Variants in CDK14 observed in about 807,000 individuals in gnomAD.
CDK14 encodes cyclin dependent kinase 14.
Under a neutral mutation model 60.7 loss-of-function variants are expected in CDK14, and 34 were observed. That is an observed-to-expected ratio of 0.56 (90% CI 0.43 to 0.75). CDK14 has a LOEUF of 0.75. Ranked by LOEUF, CDK14 falls within the 30% of genes least tolerant of loss-of-function variation. CDK14 has a pLI of 0.00. For missense variants in CDK14, 482 were observed against 564.1 expected, an observed-to-expected ratio of 0.85 and a Z score of 1.47; for synonymous variants, 197 against 203.7, an observed-to-expected ratio of 0.97 and a Z score of 0.28.
intron 11 of CDK14, among the ~76,000 whole-genome samples, chr7:91,053,274 G>A: frequency 6.6e-6 from 1 of 152,140 alleles, no homozygotes; most frequent in East Asian, 1.9e-4. Context: ...AAGAAACTGG[G>A]AAATTGAGGC....
chr7:90,714,572 T>TA (rs1330086952), intron 2 of CDK14, among the ~76,000 whole-genome samples: 1 of 152,112 alleles, frequency 6.6e-6, no homozygotes, highest in Non-Finnish European at 1.5e-5. Context: ...CATTGAAAGA[T>TA]ACTTCCATTT....
chr7:90,779,554 A>G (rs960455907), intron 4 of CDK14, among the ~76,000 whole-genome samples: 1 of 152,110 alleles, frequency 6.6e-6, no homozygotes. Context: ...CCCTTATCAC[A>G]TTTATACCAA....
At chr7:90,648,600 A>G (rs143814065) in intron 2 of CDK14, among the ~76,000 whole-genome samples, 85 of 151,882 alleles carry the variant, frequency 5.6e-4, no homozygotes, top group Middle Eastern at 3.4e-3. Flanking sequence ...AACAAAACAT[A>G]CTCACTTCTC....
At chr7:90,970,926 C>T (rs1794904346) in intron 9 of CDK14, among the ~76,000 whole-genome samples, 1 of 151,622 alleles carries the variant, frequency 6.6e-6, no homozygotes, top group South Asian at 2.1e-4. Context: ...TCATTTATTC[C>T]CTCATTTTTT....
At chr7:90,706,235 T>C (rs1801892001) in intron 2 of CDK14, among the ~76,000 whole-genome samples, 2 of 152,204 alleles carry the variant, frequency 1.3e-5, no homozygotes, top group African/African-American at 4.8e-5. Context: ...CTGTATGACA[T>C]AATGATTAAT....
intron 10 of CDK14, among the ~76,000 whole-genome samples, chr7:90,999,976 A>G (rs1359135539): frequency 1.3e-5 from 2 of 152,218 alleles, no homozygotes; most frequent in African/African-American, 2.4e-5. Context: ...TGACTGGGCC[A>G]TATGAAATAG....
At chr7:90,693,721 C>T (rs1034551185) in intron 2 of CDK14, among the ~76,000 whole-genome samples, 2 of 152,052 alleles carry the variant, frequency 1.3e-5, no homozygotes, top group South Asian at 4.1e-4. Flanking sequence ...GGGCCTTCTG[C>T]CTTTGTTGGA....
chr7:91,098,533 A>G (rs1397462559), intron 12 of CDK14, among the ~76,000 whole-genome samples: 1 of 149,556 alleles, frequency 6.7e-6, no homozygotes, highest in Non-Finnish European at 1.5e-5. Context: ...AAGAGAAAAA[A>G]AAAAAGAAAT....
intron 4 of CDK14, among the ~76,000 whole-genome samples, chr7:90,751,022 T>C (rs1257246864): frequency 6.6e-6 from 1 of 152,068 alleles, no homozygotes; most frequent in Admixed American, 6.6e-5. Context: ...CTTTGAGAAA[T>C]ATGGGATAAT....
In CDK14 at chr7:90,865,074, T is replaced by G. The variant is rs1791134213; in HGVS notation, c.639+1805T>G. ...TACCTGTGTTGCCTTACTTTTACAC[T>G]GCTTCTTTGCCTTTTTCCTTTCTAC... is the stretch of plus-strand genomic sequence containing the variant. On this transcript the variant is annotated intron_variant, in intron 6 of 14. Coordinates refer to ENST00000380050, the MANE Select transcript of CDK14 (RefSeq NM_001287135.2). 2.6e-5 allele frequency among the ~76,000 whole-genome samples: 4 copies of G among 152,328 alleles called. No homozygotes were observed. The South Asian group carries it at 8.3e-4, about 32-fold the overall frequency.
chr7:90,891,941 G>A (rs1792137844), intron 6 of CDK14, among the ~76,000 whole-genome samples: 1 of 152,178 alleles, frequency 6.6e-6, no homozygotes, highest in Admixed American at 6.5e-5. Flanking sequence ...ATGAATAGGA[G>A]GTCTGATCAT....
At chr7:91,064,977 G>A (rs2116146227) in intron 11 of CDK14, among the ~76,000 whole-genome samples, 1 of 150,560 alleles carries the variant, frequency 6.6e-6, no homozygotes, top group Admixed American at 6.6e-5. Context: ...AGGTGTAGAT[G>A]GTTTGGCGAC....
chr7:90,598,313 A>T (rs1346144727), intron 1 of CDK14, among the ~76,000 whole-genome samples: 4 of 152,214 alleles, frequency 2.6e-5, no homozygotes, highest in African/African-American at 9.7e-5. Flanking sequence ...TAAAATTTGG[A>T]TTAAGTACAG....
intron 10 of CDK14, among the ~76,000 whole-genome samples, chr7:91,015,032 T>G (rs1796260192): frequency 6.6e-6 from 1 of 152,064 alleles, no homozygotes; most frequent in Non-Finnish European, 1.5e-5. Context: ...CTTATAGGAG[T>G]CTATCTATCT....
intron 11 of CDK14, among the ~76,000 whole-genome samples, chr7:91,046,525 T>C (rs928150016): frequency 6.6e-5 from 10 of 152,196 alleles, no homozygotes; most frequent in African/African-American, 2.4e-4. Flanking sequence ...GTCCTTTTTT[T>C]TCACCAGTAG....
chr7:91,093,490 G>C (rs1424139494), intron 12 of CDK14, among the ~76,000 whole-genome samples: 3 of 152,154 alleles, frequency 2.0e-5, no homozygotes, highest in African/African-American at 7.2e-5. Flanking sequence ...GCAAAACACA[G>C]TTACAAAATC....
intron 4 of CDK14, among the ~76,000 whole-genome samples, chr7:90,783,708 A>G (rs142459840): frequency 0.014 from 2,206 of 152,296 alleles, 21 homozygotes; most frequent in Middle Eastern, 0.027. Flanking sequence ...TGAGAAATAC[A>G]AATCAAAACC....
intron 14 of CDK14, among the ~76,000 whole-genome samples, chr7:91,161,836 A>G (rs1801175281): frequency 6.6e-6 from 1 of 152,256 alleles, no homozygotes; most frequent in Non-Finnish European, 1.5e-5. Context: ...TAGCTAGAAC[A>G]TAATAAATAA....
chr7:91,042,182 G>A (rs80207881), intron 10 of CDK14, among the ~76,000 whole-genome samples: 11,966 of 152,166 alleles, frequency 0.079, 697 homozygotes, highest in African/African-American at 0.16. Context: ...AATTCACTAT[G>A]AGAAGACACG....
Sources: allele counts gnomAD v4.1 joint callset (sites outside exome capture counted in the v4.1 genomes callset), GRCh38; gene constraint gnomAD v4.1.1; transcripts MANE v1.5; gene names NCBI Gene and HGNC (gene_info 2026-07-23, HGNC 2026-07-21).